Variants in ZNF106 observed in about 807,000 individuals in gnomAD.
ZNF106 encodes the protein SH3-domain binding protein 3.
ZNF106 carries 67 observed loss-of-function variants against 195.1 expected under a neutral mutation model. That is an observed-to-expected ratio of 0.34 (90% CI 0.28 to 0.42). The LOEUF is 0.42. Ranked by LOEUF, ZNF106 falls within the 10% of genes least tolerant of loss-of-function variation. The pLI, the probability that ZNF106 is intolerant of heterozygous loss-of-function variation, is 1.00. For missense variants in ZNF106, 2,118 were observed against 2,304.5 expected (o/e 0.92, Z 1.66); for synonymous variants, 784 against 818.6 (o/e 0.96, Z 0.72).
Position 42,472,283 on chromosome 15 carries a change from G to A in ZNF106, c.7C>T (p.Arg3Ter). The change falls in exon 2 of 22, where the codon CGA becomes TGA. Residue 3 changes from arginine (R) to a stop codon, truncating the protein, a stop_gained. Coordinates refer to ENST00000564754, the MANE Select transcript of ZNF106 (RefSeq NM_001366845.3). LOFTEE classifies it high-confidence loss of function. MV[R>*]ERKCILCHIV... is the part of the protein sequence containing the mutation. The stretch of plus-strand genomic sequence containing the variant: ...TGGCATAATATGCATTTTCGTTCTC[G>A]TACCATAGTGACCAGATCTGAAGCA... 1.3e-6 allele frequency: 2 copies of A among 1,535,106 alleles called. No homozygotes were observed. Among genetic ancestry groups the A allele is most frequent in the Non-Finnish European group, 1.7e-6 (2 of 1,146,498 alleles).
intron 21 of ZNF106, 82 bp from the exon 22 acceptor site, chr15:42,417,442 G>A: frequency 2.6e-6 from 4 of 1,531,708 alleles, no homozygotes; most frequent in Non-Finnish European, 3.6e-6. Context: ...AAGCCATGTG[G>A]GTCCATTCCA....
chr15:42,452,681 C>CT (rs1322441388), intron 4 of ZNF106, among the ~76,000 whole-genome samples: 14,801 of 101,956 alleles, frequency 0.15, 2,383 homozygotes, highest in African/African-American at 0.31. Flanking sequence ...CTATAGTTAT[C>CT]TTTTTTTTTT....
In ZNF106 at chr15:42,413,978, GCCATT is replaced by G. The variant is rs949398320; in HGVS notation, c.*3321_*3325del. The stretch of plus-strand genomic sequence containing the variant: ...GACTGATACTTTATCACAACGAACT[GCCATT>G]TAAACACTAGCATAGGTACACAAAA... On this transcript the variant is annotated 3_prime_UTR_variant, in exon 22 of 22. Transcript: ENST00000564754. 6.6e-6 allele frequency: 1 copy of G among 152,146 alleles called. No homozygotes were observed. The highest frequency in any genetic ancestry group is 6.5e-5 in the Admixed American group (1 of 15,280). 9.4% of individuals were successfully genotyped at this position (152,146 alleles called of 1,614,324 possible).
At chr15:42,460,516 GAC>G (rs891499844) in intron 3 of ZNF106, among the ~76,000 whole-genome samples, 45 of 152,256 alleles carry the variant, frequency 3.0e-4, no homozygotes, top group African/African-American at 1.1e-3. Flanking sequence ...AAAATTATTT[GAC>G]AGAGAACAAA....
intron 19 of ZNF106, 77 bp downstream of exon 19, chr15:42,421,840 G>T: frequency 1.6e-6 from 2 of 1,215,278 alleles, no homozygotes; most frequent in Non-Finnish European, 2.3e-6. Flanking sequence ...AGAAGCAGAT[G>T]TCACTTTTGG....
In ZNF106 at chr15:42,439,619, G is replaced by C. The variant is rs116414201; in HGVS notation, c.3958C>G (p.Pro1320Ala). 2,126 of 1,613,824 alleles carry C rather than the reference G, an allele frequency of 1.3e-3. 27 individuals carry two copies. The African/African-American group carries it at 0.027, about 20-fold the overall frequency. ...TCAGACCCACTATTGCCTTTGGTTG[G>C]CTCTTCCCCTTCTTTATTTATGCTA... ...LSSINKEGEE[P>A]TKGNSGSEAC... The change falls in exon 11 of 22, where the codon CCA (proline) becomes GCA (alanine). Residue 1320 changes from proline to alanine, a missense_variant. By Grantham distance (27) the Pro-to-Ala change is conservative (BLOSUM62 -1). Transcript: ENST00000564754.
chr15:42,479,091 A>G (rs949237309), intron 1 of ZNF106, among the ~76,000 whole-genome samples: 5 of 152,172 alleles, frequency 3.3e-5, no homozygotes, highest in African/African-American at 1.2e-4. Context: ...TCTTATTAAG[A>G]GGCTAGGAGC....
Position 42,437,227 on chromosome 15 carries a change from C to T in ZNF106, c.4746+5G>A. On this transcript the variant is annotated splice_donor_5th_base_variant and intron_variant, in intron 13 of 21. Transcript: ENST00000564754. ...AAAAACATTCTACATGTTCTATCAACTTACCACCAGATTATAAACCCGAAC... is the reference window on the plus strand; with the variant it reads ...AAAAACATTCTACATGTTCTATCAATTTACCACCAGATTATAAACCCGAAC... The T allele has an allele frequency of 6.2e-7, 1 of 1,609,490 alleles. No homozygotes were observed. The highest frequency in any genetic ancestry group is 1.1e-5 in the South Asian group (1 of 90,090).
chr15:42,421,212 C>T, intron 19 of ZNF106, 80 bp from the exon 20 acceptor site: 2 of 1,288,664 alleles, frequency 1.6e-6, no homozygotes, highest in Non-Finnish European at 2.3e-6. Context: ...GTCACAAGCT[C>T]CTTGCAGCAG....
chr15:42,473,142 A>G (rs1200240468), intron 1 of ZNF106, among the ~76,000 whole-genome samples: 2 of 152,224 alleles, frequency 1.3e-5, no homozygotes, highest in African/African-American at 4.8e-5. Flanking sequence ...CTCAAAGGAA[A>G]TGCCCGCTGG....
intron 1 of ZNF106, among the ~76,000 whole-genome samples, chr15:42,489,942 G>A (rs549560643): frequency 6.6e-6 from 1 of 152,272 alleles, no homozygotes; most frequent in South Asian, 2.1e-4. Context: ...GGGAGGCTGA[G>A]GCAGGAGAAT....
intron 6 of ZNF106, 138 bp from the exon 7 acceptor site, chr15:42,446,796 C>A (rs1167454419): frequency 2.9e-5 from 22 of 750,760 alleles, no homozygotes; most frequent in Middle Eastern, 7.4e-4. Flanking sequence ...GTAGAAGTCT[C>A]ACGCACGTGG....
intron 4 of ZNF106, 92 bp downstream of exon 4, chr15:42,456,866 A>G: frequency 8.2e-7 from 1 of 1,214,434 alleles, no homozygotes; most frequent in Non-Finnish European, 1.2e-6. Flanking sequence ...CCTAAGTTTA[A>G]ATGCCATGGG....
chr15:42,461,209 G>A (rs1038201163), intron 3 of ZNF106, among the ~76,000 whole-genome samples: 4 of 152,160 alleles, frequency 2.6e-5, no homozygotes, highest in Non-Finnish European at 4.4e-5. Context: ...GGGAAACCAT[G>A]TTTTAAAAGC....
chr15:42,486,925 G>T (rs7166633), intron 1 of ZNF106, among the ~76,000 whole-genome samples: 11,162 of 151,172 alleles, frequency 0.074, 1,353 homozygotes, highest in African/African-American at 0.26. Flanking sequence ...CTGAGGTGGG[G>T]GGATCACCAG....
intron 16 of ZNF106, chr15:42,424,617 T>C (rs1057236219): frequency 2.0e-6 from 1 of 499,644 alleles, no homozygotes; most frequent in Non-Finnish European, 3.6e-6. Flanking sequence ...TCATAAGTAG[T>C]ACAGGTGCAC....
intron 3 of ZNF106, among the ~76,000 whole-genome samples, chr15:42,463,772 C>T (rs1168292403): frequency 6.6e-6 from 1 of 152,000 alleles, no homozygotes; most frequent in Non-Finnish European, 1.5e-5. Context: ...GGCACCCCAG[C>T]CTGGTGACAG....
chr15:42,472,690 G>T (rs2056702055), intron 1 of ZNF106, among the ~76,000 whole-genome samples: 1 of 152,150 alleles, frequency 6.6e-6, no homozygotes, highest in African/African-American at 2.4e-5. Context: ...AGTAGCCAAA[G>T]ATTCTTAGAA....
At chr15:42,443,976 TG>T (rs1397947840) in intron 9 of ZNF106, among the ~76,000 whole-genome samples, 1 of 149,970 alleles carries the variant, frequency 6.7e-6, no homozygotes, top group Non-Finnish European at 1.5e-5. Flanking sequence ...TAGCTGGGGG[TG>T]GGGTGGGCAC....
Sources: allele counts gnomAD v4.1 joint callset (sites outside exome capture counted in the v4.1 genomes callset), GRCh38; gene constraint gnomAD v4.1.1; transcripts MANE v1.5; gene names NCBI Gene and HGNC (gene_info 2026-07-23, HGNC 2026-07-21).